The following WWOX variants were observed in gnomAD, a reference collection of about 807,000 sequenced individuals.
The protein encoded by WWOX is WW domain-containing oxidoreductase.
WWOX carries 69 observed loss-of-function variants against 46.2 expected under a neutral mutation model. That is an observed-to-expected ratio of 1.49 (90% CI 1.23 to 1.82). WWOX has a LOEUF of 1.82. Among genes scored for constraint, WWOX ranks in the 40% most tolerant of loss-of-function variants. WWOX has a pLI of 0.00. For missense variants in WWOX, 919 were observed against 542.6 expected (o/e 1.69, Z -6.89); for synonymous variants, 359 against 202.6 (o/e 1.77, Z -6.56).
At chr16:78,640,257 CT>C (rs934509742) in intron 8 of WWOX, among the ~76,000 whole-genome samples, 3 of 46,254 alleles carry the variant, frequency 6.5e-5, no homozygotes, top group African/African-American at 2.9e-4. Flanking sequence ...TTTTTTTTGG[CT>C]TTTGCGCCTA....
chr16:78,256,283 GA>G (rs1468799244), intron 5 of WWOX, among the ~76,000 whole-genome samples: 1 of 151,598 alleles, frequency 6.6e-6, no homozygotes, highest in Non-Finnish European at 1.5e-5. Context: ...TCTCCTAAAT[GA>G]GGAGAACCAA....
intron 8 of WWOX, among the ~76,000 whole-genome samples, chr16:78,800,476 ACTT>A (rs1272391983): frequency 2.0e-5 from 3 of 152,200 alleles, no homozygotes; most frequent in Non-Finnish European, 4.4e-5. Context: ...TGGTATCCAC[ACTT>A]CTTCTTTCTC....
intron 5 of WWOX, among the ~76,000 whole-genome samples, chr16:78,170,203 A>G (rs2035110364): frequency 1.3e-5 from 2 of 152,202 alleles, no homozygotes; most frequent in African/African-American, 4.8e-5. Flanking sequence ...AACCACGGCT[A>G]TAAAACATGC....
chr16:78,936,870 A>G (rs1597175319), intron 8 of WWOX, among the ~76,000 whole-genome samples: 1 of 152,276 alleles, frequency 6.6e-6, no homozygotes, highest in Non-Finnish European at 1.5e-5. Flanking sequence ...CTTTAACTTG[A>G]AGTATTACAG....
At chr16:78,257,570 G>T (rs1011963724) in intron 5 of WWOX, among the ~76,000 whole-genome samples, 1 of 152,144 alleles carries the variant, frequency 6.6e-6, no homozygotes. Flanking sequence ...GGGAGGCACT[G>T]CTGTTTACTC....
intron 8 of WWOX, among the ~76,000 whole-genome samples, chr16:78,678,969 C>T (rs7206611): frequency 6.6e-6 from 1 of 152,070 alleles, no homozygotes; most frequent in Non-Finnish European, 1.5e-5. Flanking sequence ...TCAGCCTGGC[C>T]CTAGACCCTT....
chr16:78,378,196 T>C (rs2081874467), intron 5 of WWOX, among the ~76,000 whole-genome samples: 1 of 152,112 alleles, frequency 6.6e-6, no homozygotes, highest in Non-Finnish European at 1.5e-5. Flanking sequence ...TTTTAAAATG[T>C]GGAATCATCT....
At chr16:78,707,219 A>G (rs372853301) in intron 8 of WWOX, among the ~76,000 whole-genome samples, 4 of 152,320 alleles carry the variant, frequency 2.6e-5, no homozygotes, top group Non-Finnish European at 4.4e-5. Context: ...TCAGAGCACC[A>G]TCAGTCTTTT....
chr16:78,897,203 T>C (rs560492362), intron 8 of WWOX: 10 of 131,592 alleles, frequency 7.6e-5, no homozygotes, highest in Non-Finnish European at 1.2e-4. Flanking sequence ...AAGATGGCAC[T>C]GCTGCACTCT....
At chr16:78,762,009 C>T (rs2049806643) in intron 8 of WWOX, among the ~76,000 whole-genome samples, 1 of 152,154 alleles carries the variant, frequency 6.6e-6, no homozygotes, top group South Asian at 2.1e-4. Flanking sequence ...AAGTAAATAT[C>T]ATGAGAATTT....
At chr16:78,446,300 T>C (rs1199783254) in intron 8 of WWOX, among the ~76,000 whole-genome samples, 2 of 152,200 alleles carry the variant, frequency 1.3e-5, no homozygotes, top group Non-Finnish European at 2.9e-5. Context: ...CGCTTTTGAC[T>C]GAGGAGGTCT....
rs115325928 is a variant in WWOX at position 78,121,961 on chromosome 16, C to T, written c.409+6807C>T. On this transcript the variant is annotated intron_variant, in intron 4 of 8. Coordinates refer to ENST00000566780, the MANE Select transcript of WWOX (RefSeq NM_016373.4). The stretch of plus-strand genomic sequence containing the variant: ...CAGGTGTGAACCGCTGTGCCTGGCC[C>T]GTGTTTCACTTTTTGAGGTTTCAGT... 4.5e-3 allele frequency among the ~76,000 whole-genome samples: 680 copies of T among 152,148 alleles called. 5 individuals are homozygous for T. The highest frequency in any genetic ancestry group is 0.016 in the African/African-American group (647 of 41,474).
chr16:79,184,199 T>C (rs1459492642), intron 8 of WWOX, among the ~76,000 whole-genome samples: 4 of 152,190 alleles, frequency 2.6e-5, no homozygotes, highest in Non-Finnish European at 5.9e-5. Context: ...TTCAAATTCA[T>C]TGAGTCAGAT....
intron 6 of WWOX, among the ~76,000 whole-genome samples, chr16:78,408,912 G>A (rs1567554968): frequency 6.6e-6 from 1 of 152,000 alleles, no homozygotes; most frequent in African/African-American, 2.4e-5. Context: ...TGTAAGCAGG[G>A]AACAGAAAGT....
At chr16:78,777,568 G>C (rs1438557016) in intron 8 of WWOX, among the ~76,000 whole-genome samples, 1 of 152,106 alleles carries the variant, frequency 6.6e-6, no homozygotes, top group East Asian at 1.9e-4. Flanking sequence ...GACAGTCCCA[G>C]CGTGGTATAA....
At chr16:78,652,408 CAAA>C (rs747993811) in intron 8 of WWOX, among the ~76,000 whole-genome samples, 4 of 107,496 alleles carry the variant, frequency 3.7e-5, no homozygotes, top group African/African-American at 1.9e-4. Flanking sequence ...GACTCCGTCT[CAAA>C]AAAAAAAAAA....
intron 8 of WWOX, among the ~76,000 whole-genome samples, chr16:78,847,910 C>T (rs191984813): frequency 3.2e-4 from 48 of 152,286 alleles, no homozygotes; most frequent in Non-Finnish European, 4.0e-4. Context: ...CTTTCTGTTT[C>T]GTTGCTTACA....
rs113429233 is a variant in WWOX, at chr16:79,064,044, G to T, written c.1057-147564G>T. 3.1e-3 allele frequency among the ~76,000 whole-genome samples: 471 copies of T among 152,308 alleles called. 3 individuals are homozygous for T. The highest frequency in any genetic ancestry group is 4.8e-3 in the Non-Finnish European group (328 of 68,022). ...TATTTGTATTTTAGAAGCCTCAGAA[G>T]TGTGCACAATTTTCTAGTTCTCAAC... On this transcript the variant is annotated intron_variant, in intron 8 of 8. Transcript: ENST00000566780.
At chr16:78,840,709 C>G (rs916059808) in intron 8 of WWOX, among the ~76,000 whole-genome samples, 1 of 151,264 alleles carries the variant, frequency 6.6e-6, no homozygotes. Context: ...GTTTCCTTTT[C>G]TTATTTAATT....
Sources: gnomAD v4.1 joint callset for allele counts (sites outside exome capture counted in the v4.1 genomes callset) on GRCh38, gnomAD v4.1.1 for gene constraint, MANE v1.5 for transcripts, NCBI Gene and HGNC (gene_info 2026-07-23, HGNC 2026-07-21) for gene names.